CD59: variants seen among roughly 807,000 people sequenced by gnomAD.
CD59 encodes the protein CD59 molecule (CD59 blood group), also known as CD59 glycoprotein.
In CD59, 3 loss-of-function variants were observed where a neutral mutation model predicts 7.0. The observed-to-expected ratio is 0.43, with a 90% confidence interval of 0.19 to 1.10. The LOEUF (loss-of-function observed/expected upper bound fraction) is 1.10. Ranked by LOEUF, CD59 falls within the 50% of genes least tolerant of loss-of-function variation. The pLI, the probability that CD59 is intolerant of heterozygous loss-of-function variation, is 0.29. For missense variants in CD59, 143 were observed against 151.0 expected (o/e 0.95, Z 0.28); for synonymous variants, 60 against 62.0 (o/e 0.97, Z 0.15).
intron 2 of CD59, among the ~76,000 whole-genome samples, chr11:33,719,841 A>C (rs1564974094): frequency 6.6e-6 from 1 of 152,200 alleles, no homozygotes. Context: ...TGCCCGTGTG[A>C]GAGGGAAGCC....
At chr11:33,725,799 A>G (rs1854239527) in intron 1 of CD59, among the ~76,000 whole-genome samples, 1 of 152,222 alleles carries the variant, frequency 6.6e-6, no homozygotes, top group Admixed American at 6.5e-5. Context: ...CATAGCCAGG[A>G]AAAGTAATGG....
At chr11:33,724,631 G>A (rs112348074) in intron 1 of CD59, among the ~76,000 whole-genome samples, 8 of 152,226 alleles carry the variant, frequency 5.3e-5, no homozygotes, top group African/African-American at 9.6e-5. Flanking sequence ...GGGGGTGAAC[G>A]GTGGGAAGGC....
intron 2 of CD59, chr11:33,718,087 G>A (rs999088852): frequency 3.2e-5 from 5 of 155,288 alleles, no homozygotes; most frequent in African/African-American, 1.2e-4. Flanking sequence ...ATTATGTTAT[G>A]AATTTTGTCA....
chr11:33,731,192 G>A (rs950497121), intron 1 of CD59, among the ~76,000 whole-genome samples: 6 of 151,792 alleles, frequency 4.0e-5, no homozygotes, highest in Non-Finnish European at 8.8e-5. Context: ...CCGTGTAGGT[G>A]GTCAGTGTCC....
intron 3 of CD59, among the ~76,000 whole-genome samples, chr11:33,711,841 C>G (rs1358542642): frequency 8.5e-5 from 13 of 152,064 alleles, no homozygotes; most frequent in Admixed American, 7.9e-4. Context: ...TGGCTAAGAT[C>G]AAGAAAATGG....
At chr11:33,722,981 C>T in intron 1 of CD59, 1 of 1,031,786 alleles carries the variant, frequency 9.7e-7, no homozygotes, top group African/African-American at 1.7e-5. Context: ...TCTTTGGGGA[C>T]ATGAAGAGAG....
chr11:33,733,708 A>AGT (rs1854482685), intron 1 of CD59: 2 of 152,238 alleles, frequency 1.3e-5, no homozygotes, highest in African/African-American at 4.8e-5. Context: ...CTAAGCTCTG[A>AGT]GTGAACGAAC....
rs374044181 is a variant in CD59 at position 33,734,117 on chromosome 11, C to T, written c.-19+2265G>A. 4.6e-5 allele frequency among the ~76,000 whole-genome samples: 7 copies of T among 152,334 alleles called. No individual in the cohort carries two copies. The East Asian group carries it at 7.7e-4, about 17-fold the overall frequency. ...CTAGAGCTTTTGAACCCCAGGTCTG[C>T]GTGTCACCTTGGAGACATACACAAT... On this transcript the variant is annotated intron_variant, in intron 1 of 3. Coordinates refer to ENST00000642928, the MANE Select transcript of CD59 (RefSeq NM_000611.6).
Position 33,705,727 on chromosome 11 carries a change from C to G in CD59, c.*4399G>C, listed in dbSNP as rs936686568. 1 of 152,210 alleles carries G rather than the reference C, an allele frequency of 6.6e-6. No homozygotes were observed. The highest frequency in any genetic ancestry group is 1.5e-5 in the Non-Finnish European group (1 of 68,048). The allele number at this position is 152,210 out of a possible 1,614,324, so 9.4% of individuals were successfully genotyped here. A position where few individuals can be genotyped will look rare whatever the true frequency, so the allele number is the denominator to read the frequency against. Reference sequence around the variant, plus strand: ...CGCCTTCTAACTGTGGGAGCCAGTTCTCCCTAATAACCTCCCTTTCATATA... The same window carrying G: ...CGCCTTCTAACTGTGGGAGCCAGTTGTCCCTAATAACCTCCCTTTCATATA... On this transcript the variant is annotated 3_prime_UTR_variant, in exon 4 of 4. Coordinates refer to ENST00000642928, the MANE Select transcript of CD59 (RefSeq NM_000611.6).
chr11:33,715,273 T>C (rs974062113), intron 3 of CD59, among the ~76,000 whole-genome samples: 14 of 152,328 alleles, frequency 9.2e-5, no homozygotes, highest in African/African-American at 3.4e-4. Flanking sequence ...ACAGTAGCTA[T>C]ACTGGTTTGC....
At chr11:33,731,563 C>T (rs1224756891) in intron 1 of CD59, 1 of 152,168 alleles carries the variant, frequency 6.6e-6, no homozygotes, top group Non-Finnish European at 1.5e-5. Context: ...TGATTAGACT[C>T]CAGCCCTAGA....
chr11:33,711,349 A>G (rs1322900582), intron 3 of CD59: 1 of 698,874 alleles, frequency 1.4e-6, no homozygotes. Flanking sequence ...CAGGATATAG[A>G]AAACATTCTT....
chr11:33,727,782 G>A (rs1049782566), intron 1 of CD59, among the ~76,000 whole-genome samples: 8 of 152,176 alleles, frequency 5.3e-5, no homozygotes, highest in African/African-American at 9.7e-5. Flanking sequence ...CATCGTCTCA[G>A]CACAAAATCT....
intron 1 of CD59, among the ~76,000 whole-genome samples, chr11:33,723,718 C>T (rs1045973777): frequency 2.6e-5 from 4 of 152,174 alleles, no homozygotes; most frequent in African/African-American, 9.7e-5. Context: ...CACATGCCAG[C>T]GGCTTGCTTG....
intron 1 of CD59, among the ~76,000 whole-genome samples, chr11:33,730,002 T>TA (rs1184229895): frequency 2.6e-5 from 4 of 151,774 alleles, no homozygotes; most frequent in Non-Finnish European, 4.4e-5. Flanking sequence ...AAAAAACTGT[T>TA]AGATAAACTG....
chr11:33,716,066 G>A (rs1051436838), intron 3 of CD59, among the ~76,000 whole-genome samples: 10 of 152,186 alleles, frequency 6.6e-5, no homozygotes, highest in Admixed American at 4.6e-4. Context: ...GCCTTACTAC[G>A]CTTCCTACAT....
Position 33,717,413 on chromosome 11 carries a change from G to A in CD59, c.126C>T (p.Val42=), listed in dbSNP as rs2231458. The change falls in exon 3 of 4, where the codon GTC becomes GTT. Residue 42 remains valine (V), a synonymous_variant. Coordinates refer to ENST00000642928, the MANE Select transcript of CD59 (RefSeq NM_000611.6). The stretch of plus-strand genomic sequence containing the variant: ...ACGCATCAAAATCAGATGAACAATT[G>A]ACGGCTGTTTTGCAGTCAGCAGTTG... The part of the protein sequence containing the change: ...PNPTADCKTA[V]NCSSDFDACL... The A allele has an allele frequency of 6.2e-7, 1 of 1,613,696 alleles. No individual in the cohort carries two copies. Among genetic ancestry groups the A allele is most frequent in the South Asian group, 1.1e-5 (1 of 91,066 alleles).
intron 1 of CD59, among the ~76,000 whole-genome samples, chr11:33,725,679 AAT>A (rs1854235607): frequency 6.6e-6 from 1 of 152,190 alleles, no homozygotes; most frequent in Non-Finnish European, 1.5e-5. Flanking sequence ...AGGAATAAGA[AAT>A]AGTCAAGGGC....
rs114104159 is a variant in CD59, at chr11:33,721,934, A to G, written c.67+445T>C. ...GTAGTGACTGGCACATAAATGCTTC[A>G]GGGTTAGTTAGCTGCTGCTGCTGTC... On this transcript the variant is annotated intron_variant, in intron 2 of 3. Coordinates refer to ENST00000642928, the MANE Select transcript of CD59 (RefSeq NM_000611.6). 1.1e-3 allele frequency among the ~76,000 whole-genome samples: 175 copies of G among 152,356 alleles called. 1 individual carries two copies. The highest frequency in any genetic ancestry group is 4.0e-3 in the African/African-American group (166 of 41,580).
Sources: gnomAD v4.1 joint callset for allele counts (sites outside exome capture counted in the v4.1 genomes callset) on GRCh38, gnomAD v4.1.1 for gene constraint, MANE v1.5 for transcripts, NCBI Gene and HGNC (gene_info 2026-07-23, HGNC 2026-07-21) for gene names.